Variants in PRKN observed in about 807,000 individuals in gnomAD.
PRKN encodes the protein parkin RBR E3 ubiquitin protein ligase.
A neutral mutation model predicts 59.5 loss-of-function variants in PRKN; 56 were observed. That is an observed-to-expected ratio of 0.94 (90% CI 0.76 to 1.18). PRKN has a LOEUF of 1.18. Ranked by LOEUF, PRKN falls within the 50% of genes most tolerant of loss-of-function variation. The pLI, the probability that PRKN is intolerant of heterozygous loss-of-function variation, is 0.00. For synonymous variants in PRKN, 250 were observed against 222.1 expected (o/e 1.13, Z -1.12); for missense variants, 657 against 596.4 (o/e 1.10, Z -1.06).
At position 161,385,413 on chromosome 6, in the gene PRKN, T is replaced by C. The variant is rs180776518; in HGVS notation, c.1167+1381A>G. Among the ~76,000 whole-genome samples, 5 of 152,280 alleles carry C rather than the reference T, an allele frequency of 3.3e-5. No homozygotes were observed. The East Asian group carries it at 9.7e-4, about 29-fold the overall frequency. ...TTTTTCTGAATCCAATATTAAGGTT[T>C]TAACAATTTAAAAACATTTAATTTG... On this transcript the variant is annotated intron_variant, in intron 10 of 11. Transcript: ENST00000366898. This position sits in a 1 kb window ranked among gnomAD's most constrained non-coding sequence, Gnocchi z 4.9.
rs1583280677 is a variant in PRKN at position 161,602,694 on chromosome 6, T to A, written c.872-33278A>T. Among the ~76,000 whole-genome samples, 18 of 152,340 alleles carry A rather than the reference T, an allele frequency of 1.2e-4. 1 individual carries two copies. In the South Asian group the frequency reaches 3.5e-3, roughly 30 times the overall value. ...GATTTCTTTCTCTGAACTTAAAAAT[T>A]TAGCATAACTTGTATTTACTTCATT... On this transcript the variant is annotated intron_variant, in intron 7 of 11. Coordinates refer to ENST00000366898, the MANE Select transcript of PRKN (RefSeq NM_004562.3).
intron 7 of PRKN, among the ~76,000 whole-genome samples, chr6:161,662,366 G>A (rs1039963148): frequency 3.9e-5 from 6 of 152,170 alleles, no homozygotes; most frequent in African/African-American, 1.4e-4. Flanking sequence ...ACAGTGACAG[G>A]AACGGATGGG....
intron 1 of PRKN, among the ~76,000 whole-genome samples, chr6:162,500,307 G>C (rs1317123142): frequency 6.6e-6 from 1 of 151,930 alleles, no homozygotes; most frequent in Non-Finnish European, 1.5e-5. Context: ...GAGTAGCTGG[G>C]ATCACAGGCG....
At chr6:162,166,907 C>T (rs1236372677) in intron 4 of PRKN, among the ~76,000 whole-genome samples, 1 of 152,160 alleles carries the variant, frequency 6.6e-6, no homozygotes, top group Non-Finnish European at 1.5e-5. Context: ...CACTCTTTGT[C>T]AGCTTTGCTT....
intron 2 of PRKN, among the ~76,000 whole-genome samples, chr6:162,394,890 C>T (rs770940778): frequency 5.9e-5 from 9 of 152,142 alleles, no homozygotes; most frequent in Admixed American, 5.9e-4. Context: ...ATTTGCATCT[C>T]GTTTTCCTAG....
At chr6:162,319,651 A>G (rs1415814325) in intron 2 of PRKN, among the ~76,000 whole-genome samples, 1 of 152,050 alleles carries the variant, frequency 6.6e-6, no homozygotes, top group Admixed American at 6.6e-5. Context: ...ATTATTTCAA[A>G]TGAAAATAGG....
chr6:161,944,033 CAG>C (rs1779682308), intron 6 of PRKN, among the ~76,000 whole-genome samples: 9 of 136,766 alleles, frequency 6.6e-5, no homozygotes, highest in African/African-American at 2.3e-4. Context: ...CCTGAGGAAT[CAG>C]CCTGAGGGAC....
intron 7 of PRKN, among the ~76,000 whole-genome samples, chr6:161,695,560 A>C (rs1020008202): frequency 6.6e-6 from 1 of 152,208 alleles, no homozygotes; most frequent in Admixed American, 6.5e-5. Flanking sequence ...CTCACTCAAA[A>C]GTGTTGCATT....
intron 1 of PRKN, among the ~76,000 whole-genome samples, chr6:162,470,913 T>C (rs1289689993): frequency 6.6e-6 from 1 of 150,698 alleles, no homozygotes; most frequent in African/African-American, 2.4e-5. Flanking sequence ...TGCGCCACCA[T>C]GCCTAATTTC....
At chr6:161,482,681 A>T (rs1168776924) in intron 9 of PRKN, among the ~76,000 whole-genome samples, 1 of 152,208 alleles carries the variant, frequency 6.6e-6, no homozygotes, top group Non-Finnish European at 1.5e-5. Context: ...TGACTTTCAG[A>T]GCATTCAACT....
intron 1 of PRKN, among the ~76,000 whole-genome samples, chr6:162,498,565 C>T (rs1484502599): frequency 6.7e-6 from 1 of 149,474 alleles, no homozygotes; most frequent in Non-Finnish European, 1.5e-5. Flanking sequence ...CCTGCCTCAG[C>T]CTCCTGAGTA....
intron 4 of PRKN, among the ~76,000 whole-genome samples, chr6:162,103,919 G>C (rs188359726): frequency 6.6e-6 from 1 of 152,184 alleles, no homozygotes; most frequent in African/African-American, 2.4e-5. Flanking sequence ...CGAGAGGGTC[G>C]GCCTTATACG....
chr6:161,599,784 G>T (rs562171283), intron 7 of PRKN, among the ~76,000 whole-genome samples: 2 of 152,226 alleles, frequency 1.3e-5, no homozygotes, highest in Non-Finnish European at 2.9e-5. Flanking sequence ...TTTCTCATTT[G>T]TTCTTAAAAG....
chr6:162,301,105 TCAA>T (rs1781928529), intron 2 of PRKN, among the ~76,000 whole-genome samples: 2 of 151,712 alleles, frequency 1.3e-5, no homozygotes, highest in Admixed American at 1.3e-4. Flanking sequence ...TACACATATA[TCAA>T]CATAAAAAAA....
Position 161,526,097 on chromosome 6 carries a change from C to A in PRKN, c.1083+22757G>T, listed in dbSNP as rs1290412203. Among the ~76,000 whole-genome samples the A allele has an allele frequency of 6.6e-6, 1 of 152,082 alleles. No homozygotes were observed. Among genetic ancestry groups the A allele is most frequent in the African/African-American group, 2.4e-5 (1 of 41,408 alleles). Reference sequence around the variant, plus strand: ...ATGATCACTCACATATAATAGTGGGCTGATAAACCAGCTCTTTTCCAACCT... The same window carrying A: ...ATGATCACTCACATATAATAGTGGGATGATAAACCAGCTCTTTTCCAACCT... On this transcript the variant is annotated intron_variant, in intron 9 of 11. Coordinates refer to ENST00000366898, the MANE Select transcript of PRKN (RefSeq NM_004562.3). The surrounding 1 kb of genome is among the most constrained non-coding windows in gnomAD (Gnocchi z 4.1).
At chr6:162,113,848 G>T (rs916682058) in intron 4 of PRKN, among the ~76,000 whole-genome samples, 1 of 152,032 alleles carries the variant, frequency 6.6e-6, no homozygotes, top group Non-Finnish European at 1.5e-5. Flanking sequence ...ATGGTTTTAG[G>T]TCTAACGTTT....
chr6:161,948,787 G>A (rs1171935732), intron 6 of PRKN, among the ~76,000 whole-genome samples: 2 of 152,220 alleles, frequency 1.3e-5, no homozygotes, highest in Non-Finnish European at 2.9e-5. Flanking sequence ...ACAGAGCCGT[G>A]TCAGTAAGGG....
chr6:161,938,090 G>C (rs1006735230), intron 6 of PRKN, among the ~76,000 whole-genome samples: 6 of 152,098 alleles, frequency 3.9e-5, no homozygotes, highest in Admixed American at 1.3e-4. Context: ...AAATAAATTG[G>C]GCAATCTAGG....
At position 161,360,224 on chromosome 6, in the gene PRKN, A is replaced by G. The variant is rs113975640; in HGVS notation, c.1168-19T>C. On this transcript the variant is annotated intron_variant, in intron 10 of 11. Transcript: ENST00000366898. This position sits in a 1 kb window ranked among gnomAD's most constrained non-coding sequence, Gnocchi z 5.1. ...TGTAGGCCTGGGGAAACAAAGAGGAAAGGCGTTTAATCTCAGCTTTCTATT... is the reference window on the plus strand; with the variant it reads ...TGTAGGCCTGGGGAAACAAAGAGGAGAGGCGTTTAATCTCAGCTTTCTATT... 3 of 1,565,646 alleles carry G rather than the reference A, an allele frequency of 1.9e-6. No individual in the cohort carries two copies. Among genetic ancestry groups the G allele is most frequent in the Non-Finnish European group, 2.6e-6 (3 of 1,135,638 alleles).
Sources: allele counts gnomAD v4.1 joint callset (sites outside exome capture counted in the v4.1 genomes callset), GRCh38; gene constraint gnomAD v4.1.1; non-coding constraint Gnocchi (gnomAD v3.1); transcripts MANE v1.5; gene names NCBI Gene and HGNC (gene_info 2026-07-23, HGNC 2026-07-21).